TDG: variants seen among roughly 807,000 people sequenced by gnomAD.
TDG encodes G/T mismatch-specific thymine DNA glycosylase.
Under a neutral mutation model 46.1 loss-of-function variants are expected in TDG, and 23 were observed. The ratio of observed to expected loss-of-function variants is 0.50; its 90% CI spans 0.36 to 0.71. The LOEUF (loss-of-function observed/expected upper bound fraction) is 0.71. Among genes scored for constraint, TDG ranks in the 30% least tolerant of loss-of-function variants. The pLI is 0.00. For synonymous variants in TDG, 115 were observed against 161.3 expected (o/e 0.71, Z 2.18); for missense variants, 304 against 486.7 (o/e 0.62, Z 3.53).
chr12:103,988,109 A>AAAGGTTG lies in TDG; in HGVS notation c.*1021_*1027dup, dbSNP rs2136247144. 1 of 152,856 alleles carries AAAGGTTG rather than the reference A, an allele frequency of 6.5e-6. No individual in the cohort carries two copies. The highest frequency in any genetic ancestry group is 1.5e-5 in the Non-Finnish European group (1 of 68,050). 9.5% of individuals were successfully genotyped at this position (152,856 alleles called of 1,614,324 possible). On this transcript the variant is annotated 3_prime_UTR_variant, in exon 10 of 10. Transcript: ENST00000392872. ...ACTATAAATTAAATGAACCTCATGG[A>AAAGGTTG]AAGGTTGAGGTGTATACCTTTGTGA...
chr12:103,980,177 A>C (rs3829301), intron 3 of TDG, 105 bp downstream of exon 3: 104,471 of 1,510,308 alleles, frequency 0.069, 7,771 homozygotes, highest in African/African-American at 0.36. Flanking sequence ...ACCATTTCTA[A>C]GAATCCTTTT....
intron 8 of TDG, among the ~76,000 whole-genome samples, chr12:103,985,208 C>CACA (rs969365828): frequency 4.1e-5 from 6 of 147,998 alleles, no homozygotes; most frequent in Non-Finnish European, 6.0e-5. Context: ...CACACACACA[C>CACA]ATTACAGAAA....
intron 2 of TDG, among the ~76,000 whole-genome samples, chr12:103,977,978 C>G (rs1160748876): frequency 6.6e-6 from 1 of 152,096 alleles, no homozygotes; most frequent in African/African-American, 2.4e-5. Flanking sequence ...TGCTTGAATC[C>G]TGGAGGCGGA....
At chr12:103,985,192 C>CACACACACACACAA (rs1872076701) in intron 8 of TDG, among the ~76,000 whole-genome samples, 1 of 142,916 alleles carries the variant, frequency 7.0e-6, no homozygotes, top group South Asian at 2.3e-4. Context: ...CACACACACA[C>CACACACACACACAA]ACACACACAC....
At chr12:103,972,926 G>A in intron 1 of TDG, 2 of 691,132 alleles carry the variant, frequency 2.9e-6, no homozygotes, top group South Asian at 1.6e-5. Context: ...CTGTTGTAAT[G>A]TGAACGGTGT....
chr12:103,973,285 A>T lies in TDG; in HGVS notation c.24-3633A>T, dbSNP rs540391128. 2.6e-5 allele frequency among the ~76,000 whole-genome samples: 4 copies of T among 152,102 alleles called. No homozygotes were observed. In the South Asian group the frequency reaches 8.3e-4, roughly 32 times the overall value. On this transcript the variant is annotated intron_variant, in intron 1 of 9. Coordinates refer to ENST00000392872, the MANE Select transcript of TDG (RefSeq NM_003211.6). ...TTTTTAGTAGAGACAGGGTTTCTGC[A>T]TGTTGGTCGGGCTGGTCTTGAACTC...
intron 4 of TDG, among the ~76,000 whole-genome samples, chr12:103,981,296 C>T (rs1012032072): frequency 7.6e-6 from 1 of 131,858 alleles, no homozygotes; most frequent in Non-Finnish European, 1.5e-5. Flanking sequence ...AGTGCAATGG[C>T]GCGATCTCGG....
intron 7 of TDG, among the ~76,000 whole-genome samples, chr12:103,984,168 A>G (rs2136242391): frequency 6.6e-6 from 1 of 152,350 alleles, no homozygotes; most frequent in East Asian, 1.9e-4. Flanking sequence ...GCAATTGATG[A>G]GTTTTATTAT....
intron 3 of TDG, chr12:103,980,488 A>G (rs1344951669): frequency 4.5e-6 from 1 of 222,920 alleles, no homozygotes; most frequent in Non-Finnish European, 8.8e-6. Flanking sequence ...TAACTGTAAG[A>G]AACATCAGCA....
At chr12:103,969,985 G>C (rs1871223078) in intron 1 of TDG, among the ~76,000 whole-genome samples, 1 of 152,138 alleles carries the variant, frequency 6.6e-6, no homozygotes, top group African/African-American at 2.4e-5. Context: ...GTTTCTAGTA[G>C]ACTGTACATA....
At chr12:103,973,086 A>ATATTTTTTTT in intron 1 of TDG, 1 of 457,358 alleles carries the variant, frequency 2.2e-6, no homozygotes, top group East Asian at 4.1e-5. Context: ...CGTTTCATAC[A>ATATTTTTTTT]TTTTTTTTTT....
chr12:103,981,384 T>C (rs1443468616), intron 4 of TDG, among the ~76,000 whole-genome samples: 2 of 151,748 alleles, frequency 1.3e-5, no homozygotes, highest in African/African-American at 4.8e-5. Context: ...TACAGGCATG[T>C]ACCACCACGC....
intron 1 of TDG, chr12:103,967,855 G>A (rs1269638400): frequency 8.5e-6 from 1 of 117,154 alleles, no homozygotes; most frequent in Non-Finnish European, 1.9e-5. Flanking sequence ...TTGAGACAGA[G>A]TTTCACTCTG....
chr12:103,968,980 T>A (rs936070847), intron 1 of TDG, among the ~76,000 whole-genome samples: 3 of 152,230 alleles, frequency 2.0e-5, no homozygotes, highest in African/African-American at 7.2e-5. Flanking sequence ...AATACAAAAT[T>A]AGCTGGGCAT....
chr12:103,966,135 A>G, intron 1 of TDG, 75 bp downstream of exon 1: 3 of 1,406,130 alleles, frequency 2.1e-6, no homozygotes, highest in East Asian at 2.9e-5. Context: ...GCGCGCGCGC[A>G]CGCAGGGGTC....
chr12:103,985,131 G>A (rs1225243590), intron 8 of TDG, among the ~76,000 whole-genome samples: 1 of 143,270 alleles, frequency 7.0e-6, no homozygotes, highest in Non-Finnish European at 1.5e-5. Context: ...ACACTTGTGT[G>A]CGTATACATA....
Position 103,987,669 on chromosome 12 carries a change from CT to C in TDG, c.*581del, listed in dbSNP as rs1872244227. 6.5e-6 allele frequency: 1 copy of C among 152,964 alleles called. No homozygotes were observed. Among genetic ancestry groups the C allele is most frequent in the South Asian group, 2.1e-4 (1 of 4,858 alleles). 9.5% of individuals were successfully genotyped at this position (152,964 alleles called of 1,614,324 possible). A position where few individuals can be genotyped will look rare whatever the true frequency, so the allele number is the denominator to read the frequency against. ...AGTTGCTCAGTAGTAAAAACTGGCC[CT>C]TACCTGACAGAGCCCTGGCTTTGAC... On this transcript the variant is annotated 3_prime_UTR_variant, in exon 10 of 10. Coordinates refer to ENST00000392872, the MANE Select transcript of TDG (RefSeq NM_003211.6).
chr12:103,985,479 A>G (rs754925179), intron 8 of TDG, 124 bp from the exon 9 acceptor site: 3 of 1,132,226 alleles, frequency 2.6e-6, no homozygotes, highest in Non-Finnish European at 3.6e-6. Flanking sequence ...TTAAAAGATT[A>G]ATAGAGATGT....
At chr12:103,968,603 G>A (rs1303515474) in intron 1 of TDG, among the ~76,000 whole-genome samples, 1 of 152,192 alleles carries the variant, frequency 6.6e-6, no homozygotes, top group African/African-American at 2.4e-5. Context: ...GACCAGTGAA[G>A]GCATTTAGGA....
Sources: allele counts gnomAD v4.1 joint callset (sites outside exome capture counted in the v4.1 genomes callset), GRCh38; gene constraint gnomAD v4.1.1; transcripts MANE v1.5; gene names NCBI Gene and HGNC (gene_info 2026-07-23, HGNC 2026-07-21).